NRXN3: variants seen among roughly 807,000 people sequenced by gnomAD.
The protein encoded by NRXN3 is neurexin III.
In NRXN3, 32 loss-of-function variants were observed where a neutral mutation model predicts 137.6. That is an observed-to-expected ratio of 0.23 (90% confidence interval 0.18 to 0.31). The LOEUF (loss-of-function observed/expected upper bound fraction) is 0.31. Among genes scored for constraint, NRXN3 ranks in the 10% least tolerant of loss-of-function variants. NRXN3 has a pLI of 1.00. For synonymous variants in NRXN3, 798 were observed against 784.5 expected (o/e 1.02, Z -0.29); for missense variants, 1,574 against 2,062.5 (o/e 0.76, Z 4.59).
At chr14:79,392,089 A>T (rs1425612297) in intron 15 of NRXN3, among the ~76,000 whole-genome samples, 1 of 151,976 alleles carries the variant, frequency 6.6e-6, no homozygotes, top group Non-Finnish European at 1.5e-5. Flanking sequence ...GGTTTGCTGC[A>T]CCCATCAACC....
chr14:78,688,051 T>C (rs1403922465), intron 6 of NRXN3, among the ~76,000 whole-genome samples: 1 of 152,190 alleles, frequency 6.6e-6, no homozygotes, highest in African/African-American at 2.4e-5. Flanking sequence ...TAAAAGCCTA[T>C]TGAGTGGAGA....
intron 4 of NRXN3, among the ~76,000 whole-genome samples, chr14:78,314,873 T>TTTCCTTCCTTCC (rs1434971256): frequency 1.2e-5 from 1 of 81,474 alleles, no homozygotes; most frequent in South Asian, 4.1e-4. Flanking sequence ...GTATTTTTCT[T>TTTCCTTCCTTCC]TTCCGTTCTT....
At chr14:78,717,806 AT>A in intron 8 of NRXN3, among the ~76,000 whole-genome samples, 1 of 152,344 alleles carries the variant, frequency 6.6e-6, no homozygotes, top group East Asian at 1.9e-4. Flanking sequence ...CAAGGGGTGT[AT>A]AGTCCTCCCA....
chr14:79,623,281 CTT>C (rs2098244624), intron 16 of NRXN3, among the ~76,000 whole-genome samples: 1 of 152,200 alleles, frequency 6.6e-6, no homozygotes, highest in South Asian at 2.1e-4. Flanking sequence ...CTTGGCCACA[CTT>C]TGTCTTACTC....
At chr14:79,123,315 T>C (rs947611335) in intron 15 of NRXN3, among the ~76,000 whole-genome samples, 1 of 152,188 alleles carries the variant, frequency 6.6e-6, no homozygotes, top group South Asian at 2.1e-4. Flanking sequence ...CAATGTTTAC[T>C]GTCAAGATGA....
At chr14:78,946,389 A>AGCAGG (rs2099365264) in intron 10 of NRXN3, among the ~76,000 whole-genome samples, 1 of 152,204 alleles carries the variant, frequency 6.6e-6, no homozygotes, top group Non-Finnish European at 1.5e-5. Context: ...AGTGCCCACC[A>AGCAGG]GCAGGGTATC....
At chr14:79,831,718 A>T (rs1471566164) in intron 20 of NRXN3, among the ~76,000 whole-genome samples, 3 of 152,196 alleles carry the variant, frequency 2.0e-5, no homozygotes, top group Non-Finnish European at 2.9e-5. Flanking sequence ...TGCTGGCAAC[A>T]TTCCACTGCA....
intron 16 of NRXN3, among the ~76,000 whole-genome samples, chr14:79,600,365 G>A (rs919827048): frequency 6.6e-6 from 1 of 152,156 alleles, no homozygotes; most frequent in East Asian, 1.9e-4. Context: ...ATGGAAGAAA[G>A]TGTTTTTCAT....
chr14:78,317,118 C>T (rs1044842994), intron 4 of NRXN3, among the ~76,000 whole-genome samples: 5 of 152,184 alleles, frequency 3.3e-5, no homozygotes, highest in East Asian at 1.9e-4. Context: ...GCCTGAGAAC[C>T]GATGGTGTCA....
chr14:78,789,968 A>G (rs1397308346), intron 8 of NRXN3, among the ~76,000 whole-genome samples: 1 of 152,152 alleles, frequency 6.6e-6, no homozygotes, highest in Non-Finnish European at 1.5e-5. Context: ...ATGACAGAGA[A>G]CATGCTATTT....
chr14:79,623,849 G>GTTTTTTTTTTT (rs571687023), intron 16 of NRXN3, among the ~76,000 whole-genome samples: 6 of 97,982 alleles, frequency 6.1e-5, no homozygotes, highest in African/African-American at 1.2e-4. Flanking sequence ...CTTAGCTCCT[G>GTTTTTTTTTTT]TTTTTTTTTT....
At chr14:78,362,667 A>C (rs2085306582) in intron 4 of NRXN3, among the ~76,000 whole-genome samples, 1 of 152,136 alleles carries the variant, frequency 6.6e-6, no homozygotes, top group Non-Finnish European at 1.5e-5. Context: ...AAATTGCATA[A>C]ATCTATAAGA....
intron 16 of NRXN3, among the ~76,000 whole-genome samples, chr14:79,547,438 T>A (rs1201427398): frequency 1.3e-5 from 2 of 152,200 alleles, no homozygotes; most frequent in East Asian, 3.8e-4. Context: ...TATTGAAGAA[T>A]CTAAATTCAA....
chr14:79,845,579 CCAGAGAGACAGAGA>C (rs1462845087), intron 20 of NRXN3, among the ~76,000 whole-genome samples: 2 of 81,424 alleles, frequency 2.5e-5, no homozygotes, highest in Non-Finnish European at 2.5e-5. Flanking sequence ...AGAGACCGAC[CCAGAGAGACAGAGA>C]GAGAGAGAGA....
intron 10 of NRXN3, among the ~76,000 whole-genome samples, chr14:78,928,088 C>T (rs1418862913): frequency 6.6e-6 from 1 of 152,136 alleles, no homozygotes; most frequent in Non-Finnish European, 1.5e-5. Context: ...TCCCAGTTGT[C>T]CACAGCAATA....
intron 19 of NRXN3, among the ~76,000 whole-genome samples, chr14:79,765,851 C>T (rs2099054169): frequency 6.6e-6 from 1 of 152,226 alleles, no homozygotes; most frequent in East Asian, 1.9e-4. Flanking sequence ...TTTTTACATT[C>T]TTTTTTCTTT....
intron 15 of NRXN3, among the ~76,000 whole-genome samples, chr14:79,245,998 G>T (rs1161243704): frequency 6.6e-6 from 1 of 152,122 alleles, no homozygotes; most frequent in East Asian, 1.9e-4. Flanking sequence ...GAAAGTGATG[G>T]CTCTGCCTCT....
At chr14:78,700,665 G>A (rs1414750275) in intron 6 of NRXN3, among the ~76,000 whole-genome samples, 2 of 152,102 alleles carry the variant, frequency 1.3e-5, no homozygotes, top group African/African-American at 4.8e-5. Flanking sequence ...GAAGCTTAGT[G>A]GACTCTGTGA....
intron 16 of NRXN3, among the ~76,000 whole-genome samples, chr14:79,493,544 A>AG (rs2096737456): frequency 6.6e-6 from 1 of 152,230 alleles, no homozygotes; most frequent in Non-Finnish European, 1.5e-5. Context: ...TCAAACATAT[A>AG]GAAAAAAAGC....
Sources: gnomAD v4.1 joint callset for allele counts (sites outside exome capture counted in the v4.1 genomes callset) on GRCh38, gnomAD v4.1.1 for gene constraint, MANE v1.5 for transcripts, NCBI Gene and HGNC (gene_info 2026-07-23, HGNC 2026-07-21) for gene names.